The following CELSR1 variants were observed in gnomAD, a reference collection of about 807,000 sequenced individuals.
CELSR1 encodes adhesion G protein-coupled receptor C1.
Under a neutral mutation model 249.1 loss-of-function variants are expected in CELSR1, and 110 were observed. That is an observed-to-expected ratio of 0.44 (90% CI 0.38 to 0.52). The LOEUF is 0.52. CELSR1 is among the 20% of genes least tolerant of loss of function. The pLI, the probability that CELSR1 is intolerant of heterozygous loss-of-function variation, is 0.00. For missense variants in CELSR1, 4,109 were observed against 4,296.4 expected, an observed-to-expected ratio of 0.96 and a Z score of 1.22; for synonymous variants, 2,113 against 1,900.0, an observed-to-expected ratio of 1.11 and a Z score of -2.92.
At position 46,394,211 on chromosome 22, in the gene CELSR1, G is replaced by T. The variant is rs749177088; in HGVS notation, c.5895C>A (p.Pro1965=). ...RGWWGNPVCG[P]CHCAVSKGFD... is the part of the protein sequence containing the mutation. ...AGCCTTTGCTGACGGCACAGTGGCA[G>T]GGTCCACAGACGGGGTTCCCCCACC... The change falls in exon 14 of 35, where the codon CCC becomes CCA. Residue 1965 remains proline, a synonymous_variant. Coordinates refer to ENST00000674500, the MANE Select transcript of CELSR1 (RefSeq NM_001378328.1). The T allele has an allele frequency of 1.2e-6, 2 of 1,613,916 alleles. No individual in the cohort carries two copies. Among genetic ancestry groups the T allele is most frequent in the Non-Finnish European group, 1.7e-6 (2 of 1,179,980 alleles).
rs543403395 is a variant in CELSR1 at position 46,382,057 on chromosome 22, T to C, written c.6884-7A>G. The C allele has an allele frequency of 9.2e-6, 14 of 1,524,686 alleles. No individual in the cohort carries two copies. The highest frequency in any genetic ancestry group is 6.9e-5 in the African/African-American group (5 of 72,620). The allele number at this position is 1,524,686 out of a possible 1,614,324, so 94.4% of individuals were successfully genotyped here. A position where few individuals can be genotyped will look rare whatever the true frequency, so the allele number is the denominator to read the frequency against. ...GGCCTCAGCAGGGGGCCTTCTGCAA[T>C]GTGAGCAGAAGGTGAGGACTCTGGC... On this transcript the variant is annotated splice_region_variant and splice_polypyrimidine_tract_variant and intron_variant, in intron 20 of 34. Coordinates refer to ENST00000674500, the MANE Select transcript of CELSR1 (RefSeq NM_001378328.1).
At chr22:46,452,982 G>A (rs1430599335) in intron 2 of CELSR1, among the ~76,000 whole-genome samples, 1 of 152,242 alleles carries the variant, frequency 6.6e-6, no homozygotes, top group East Asian at 1.9e-4. Flanking sequence ...GGACATTCAG[G>A]TGGGATGGGT....
rs2078986282 is a variant in CELSR1, at chr22:46,382,247, G to A, written c.6884-197C>T. On this transcript the variant is annotated intron_variant, in intron 20 of 34. Transcript: ENST00000674500. ...TTCTGGGTATACACCCCAAGGAACT[G>A]AAGGCGGGGACCCAGATACTTCTAT... 4.6e-5 allele frequency among the ~76,000 whole-genome samples: 7 copies of A among 152,326 alleles called. No homozygotes were observed. The Middle Eastern group carries it at 0.014, about 296-fold the overall frequency.
Position 46,382,031 on chromosome 22 carries a change from C to A in CELSR1, c.6903G>T (p.Pro2301=). 6.5e-7 allele frequency: 1 copy of A among 1,546,404 alleles called. No individual in the cohort carries two copies. Among genetic ancestry groups the A allele is most frequent in the Non-Finnish European group, 8.7e-7 (1 of 1,145,702 alleles). The change falls in exon 21 of 35, where the codon CCG becomes CCT. Residue 2301 remains proline (P), a synonymous_variant. Transcript: ENST00000674500. ...PEEKEGPLLR[P]AGRRTTPQTT... is the part of the protein sequence containing the mutation. ...TCTGCGGGGTGGTCCTCCGGCCAGC[C>A]GGCCTCAGCAGGGGGCCTTCTGCAA...
chr22:46,512,013 G>A lies in CELSR1; in HGVS notation c.3544+21614C>T, dbSNP rs563045597. Among the ~76,000 whole-genome samples the A allele has an allele frequency of 2.0e-5, 3 of 152,192 alleles. No homozygotes were observed. In the East Asian group the frequency reaches 5.8e-4, roughly 29 times the overall value. ...ACAATTCTGCCAGGATGTCCTTCATGCTGCCTCCGAGAAACGCAGCAAGTC... is the reference window on the plus strand; with the variant it reads ...ACAATTCTGCCAGGATGTCCTTCATACTGCCTCCGAGAAACGCAGCAAGTC... On this transcript the variant is annotated intron_variant, in intron 1 of 34. Transcript: ENST00000674500. The surrounding 1 kb of genome is among the most constrained non-coding windows in gnomAD (Gnocchi z 5.2).
At chr22:46,467,284 G>A (rs963494143) in intron 1 of CELSR1, among the ~76,000 whole-genome samples, 1 of 152,140 alleles carries the variant, frequency 6.6e-6, no homozygotes, top group Admixed American at 6.6e-5. Flanking sequence ...CTAAGCTTGA[G>A]CAATCATCCT....
In CELSR1 at chr22:46,517,650, C is replaced by T. The variant is rs139549689; in HGVS notation, c.3544+15977G>A. On this transcript the variant is annotated intron_variant, in intron 1 of 34. Transcript: ENST00000674500. The surrounding 1 kb of genome is among the most constrained non-coding windows in gnomAD (Gnocchi z 5.4). ...CTCTGACGGCCACATGCAGGACAGACAGGAAGTCTCACAGAACAATAAACC... is the reference window on the plus strand; with the variant it reads ...CTCTGACGGCCACATGCAGGACAGATAGGAAGTCTCACAGAACAATAAACC... Among the ~76,000 whole-genome samples the T allele has an allele frequency of 1.7e-4, 26 of 152,354 alleles. No individual in the cohort carries two copies. In the East Asian group the frequency reaches 5.0e-3, roughly 29 times the overall value.
Position 46,533,729 on chromosome 22 carries a change from G to T in CELSR1, c.3442C>A (p.Leu1148Met). The T allele has an allele frequency of 6.2e-7, 1 of 1,613,208 alleles. No homozygotes were observed. Reference protein sequence around the residue: ...LNYTFVQGNELRLLLLDPATG... With the variant: ...LNYTFVQGNEMRLLLLDPATG... Reference sequence around the variant, plus strand: ...GCGGGGTCCAGCAGCAACAGGCGCAGCTCGTTGCCCTGCACGAAGGTGTAG... The same window carrying T: ...GCGGGGTCCAGCAGCAACAGGCGCATCTCGTTGCCCTGCACGAAGGTGTAG... Residue 1148 changes from leucine (L) to methionine (M), a missense_variant, in exon 1 of 35, where the codon CTG (leucine) becomes ATG (methionine). Coordinates refer to ENST00000674500, the MANE Select transcript of CELSR1 (RefSeq NM_001378328.1).
chr22:46,467,714 CAGGAG>C (rs71790743), intron 1 of CELSR1, among the ~76,000 whole-genome samples: 3,026 of 151,974 alleles, frequency 0.02, 95 homozygotes, highest in African/African-American at 0.069. Flanking sequence ...CCCAGCTACT[CAGGAG>C]GCTGAGGCAG....
chr22:46,480,127 C>G (rs2080251944), intron 1 of CELSR1, among the ~76,000 whole-genome samples: 1 of 152,182 alleles, frequency 6.6e-6, no homozygotes, highest in Admixed American at 6.5e-5. Context: ...ATCAAAATCC[C>G]CTTCTCTTCA....
intron 2 of CELSR1, among the ~76,000 whole-genome samples, chr22:46,442,212 C>T (rs1033791155): frequency 3.9e-5 from 6 of 152,216 alleles, no homozygotes; most frequent in African/African-American, 1.4e-4. Context: ...GGTATACCCC[C>T]CACCCTTCCC....
At chr22:46,508,376 C>T (rs5768862) in intron 1 of CELSR1, among the ~76,000 whole-genome samples, 94,443 of 145,896 alleles carry the variant, frequency 0.65, 31,113 homozygotes, top group East Asian at 0.81. Context: ...TGGGCCCTGC[C>T]TCCTGCCTGC....
intron 1 of CELSR1, among the ~76,000 whole-genome samples, chr22:46,485,543 C>T (rs1036977044): frequency 1.3e-5 from 2 of 152,314 alleles, no homozygotes; most frequent in Admixed American, 6.5e-5. Flanking sequence ...ATGGAGGATC[C>T]GGGAGAGAAG....
chr22:46,481,220 G>A (rs576092134), intron 1 of CELSR1: 26 of 290,196 alleles, frequency 9.0e-5, no homozygotes, highest in South Asian at 1.4e-4. Flanking sequence ...TCCAGCCTGC[G>A]CGAAAGAACA....
intron 1 of CELSR1, among the ~76,000 whole-genome samples, chr22:46,520,566 T>C (rs1297822951): frequency 6.6e-6 from 1 of 152,100 alleles, no homozygotes; most frequent in African/African-American, 2.4e-5. Flanking sequence ...GTTCAAGCAA[T>C]TCTCCTACCT....
intron 19 of CELSR1, among the ~76,000 whole-genome samples, chr22:46,385,868 G>A (rs1044119670): frequency 3.3e-5 from 5 of 151,558 alleles, no homozygotes; most frequent in Non-Finnish European, 5.9e-5. Context: ...TAGTAGAGAC[G>A]GGGTTTCACC....
chr22:46,368,005 C>T (rs2147170329), intron 27 of CELSR1, 150 bp from the exon 28 acceptor site: 1 of 1,114,366 alleles, frequency 9.0e-7, no homozygotes, highest in African/African-American at 1.6e-5. Context: ...CCACCTTGCT[C>T]CCTTCCTCCC....
rs1395830809 is a variant in CELSR1 at position 46,363,998 on chromosome 22, A to G, written c.9033T>C (p.Ser3011=). The G allele has an allele frequency of 6.2e-7, 1 of 1,600,624 alleles. No homozygotes were observed. The highest frequency in any genetic ancestry group is 1.3e-5 in the African/African-American group (1 of 74,208). ...CCCTGGAGGCCCAGGCTACTCACTC[A>G]GAGTCGGAGCCATCGGCCTGGGCGC... is the stretch of plus-strand genomic sequence containing the variant. The part of the protein sequence containing the change: ...TGSAQADGSD[S]EGSNETSI The change falls in exon 34 of 35, where the codon TCT becomes TCC. Residue 3011 remains serine, a splice_region_variant and synonymous_variant. Coordinates refer to ENST00000674500, the MANE Select transcript of CELSR1 (RefSeq NM_001378328.1). The surrounding 1 kb of genome is among the most constrained non-coding windows in gnomAD (Gnocchi z 4.3).
rs61737816 is a variant in CELSR1 at position 46,433,480 on chromosome 22, G to A, written c.4524C>T (p.Gly1508=). The change falls in exon 5 of 35, where the codon GGC becomes GGT. Residue 1508 remains glycine, a splice_region_variant and synonymous_variant. Transcript: ENST00000674500. This position sits in a 1 kb window ranked among gnomAD's most constrained non-coding sequence, Gnocchi z 5.7. The stretch of plus-strand genomic sequence containing the variant: ...TCGGTGCCACGGTCGTTGTTGTCTC[G>A]CCTGCATGGTGGGAGGGAGACCCAG... The part of the protein sequence containing the change: ...DEQVQLTFSA[G]ETTTTVAPKV... 0.021 allele frequency: 33,941 copies of A among 1,612,568 alleles called. 635 individuals are homozygous for A. Among genetic ancestry groups the A allele is most frequent in the African/African-American group, 0.092 (6,909 of 74,916 alleles).
Sources: allele counts gnomAD v4.1 joint callset (sites outside exome capture counted in the v4.1 genomes callset), GRCh38; gene constraint gnomAD v4.1.1; non-coding constraint Gnocchi (gnomAD v3.1); transcripts MANE v1.5; gene names NCBI Gene and HGNC (gene_info 2026-07-23, HGNC 2026-07-21).